Variants in ELAVL4 observed in about 807,000 individuals in gnomAD.
ELAVL4 encodes ELAV-like protein 4.
Under a neutral mutation model 35.6 loss-of-function variants are expected in ELAVL4, and 1 was observed. The observed-to-expected ratio is 0.03, with a 90% CI of 0.01 to 0.13. The LOEUF (loss-of-function observed/expected upper bound fraction) is 0.13, where lower values mean the gene tolerates loss of function less well. Ranked by LOEUF, ELAVL4 falls within the 10% of genes least tolerant of loss-of-function variation. The probability of loss-of-function intolerance (pLI) is 1.00; values close to 1 mark genes in which losing one functional copy is unlikely to be tolerated. For missense variants in ELAVL4, 267 were observed against 464.9 expected, an observed-to-expected ratio of 0.57 and a Z score of 3.91; for synonymous variants, 156 against 171.0, an observed-to-expected ratio of 0.91 and a Z score of 0.69.
chr1:50,115,509 A>G (rs1460991304), intron 1 of ELAVL4, among the ~76,000 whole-genome samples: 1 of 152,118 alleles, frequency 6.6e-6, no homozygotes, highest in Non-Finnish European at 1.5e-5. Flanking sequence ...AATAACATGT[A>G]AACTTTAGCT....
At chr1:50,060,590 C>T (rs1008463793) in intron 1 of ELAVL4, among the ~76,000 whole-genome samples, 1 of 152,184 alleles carries the variant, frequency 6.6e-6, no homozygotes, top group Non-Finnish European at 1.5e-5. Context: ...GGGCCTGGGT[C>T]GGCCTCTAGC....
At chr1:50,104,101 C>T (rs1170362209), upstream of ELAVL4, 21 of 1,252,336 alleles carry the variant, frequency 1.7e-5, no homozygotes, top group Non-Finnish European at 2.5e-5. Flanking sequence ...ACTATGGGTC[C>T]TTAAAAACCC....
chr1:50,112,222 CA>C (rs1446098001), intron 1 of ELAVL4, among the ~76,000 whole-genome samples: 1 of 151,974 alleles, frequency 6.6e-6, no homozygotes, highest in Non-Finnish European at 1.5e-5. Flanking sequence ...ATGTTGAGTG[CA>C]TAAGCCTGTG....
chr1:50,177,557 GC>G (rs1274714468), intron 3 of ELAVL4, among the ~76,000 whole-genome samples: 1 of 152,218 alleles, frequency 6.6e-6, no homozygotes, highest in African/African-American at 2.4e-5. Flanking sequence ...CACATGCAAA[GC>G]TGTGAAAATG....
chr1:50,148,609 A>G (rs952060123), intron 2 of ELAVL4, among the ~76,000 whole-genome samples: 6 of 152,204 alleles, frequency 3.9e-5, no homozygotes, highest in African/African-American at 1.4e-4. Flanking sequence ...GAAGAAAGGC[A>G]TATCCTGAGT....
chr1:50,182,811 A>G (rs911390064), intron 3 of ELAVL4, among the ~76,000 whole-genome samples: 17 of 152,152 alleles, frequency 1.1e-4, no homozygotes, highest in African/African-American at 2.4e-4. Context: ...CGTGAAGGCA[A>G]TATCAGCCAT....
At chr1:50,140,451 A>G (rs914597788) in intron 1 of ELAVL4, among the ~76,000 whole-genome samples, 9 of 152,328 alleles carry the variant, frequency 5.9e-5, no homozygotes, top group African/African-American at 1.9e-4. Flanking sequence ...TTTGAGGTCT[A>G]TCATGTAACC....
chr1:50,124,336 T>A (rs1669528023), intron 1 of ELAVL4, among the ~76,000 whole-genome samples: 1 of 152,134 alleles, frequency 6.6e-6, no homozygotes, highest in Admixed American at 6.6e-5. Flanking sequence ...ACAATAATAG[T>A]GACCCTTTAT....
At chr1:50,115,033 T>G (rs1468386580) in intron 1 of ELAVL4, 1 of 152,074 alleles carries the variant, frequency 6.6e-6, no homozygotes, top group Admixed American at 6.6e-5. Context: ...TCTCTCTTTC[T>G]CTGTCTCTGT....
intron 1 of ELAVL4, among the ~76,000 whole-genome samples, chr1:50,076,479 A>G (rs918516205): frequency 5.3e-5 from 8 of 152,196 alleles, no homozygotes; most frequent in African/African-American, 1.7e-4. Context: ...GTATGTATGT[A>G]TGTATACAAA....
chr1:50,079,911 CCCAAAGACACCCTTCT>C (rs1172268112), intron 1 of ELAVL4, among the ~76,000 whole-genome samples: 3 of 152,158 alleles, frequency 2.0e-5, no homozygotes, highest in Non-Finnish European at 4.4e-5. Context: ...CTTCTCACTT[CCCAAAGACACCCTTCT>C]CCCTCTCTCT....
chr1:50,107,053 T>C (rs1451191506), upstream of ELAVL4, among the ~76,000 whole-genome samples: 6 of 152,248 alleles, frequency 3.9e-5, no homozygotes, highest in African/African-American at 1.4e-4. Context: ...TCTTAATGTT[T>C]ACTTTTCACA....
chr1:50,146,154 GT>G (rs11352967), intron 2 of ELAVL4, among the ~76,000 whole-genome samples: 55,578 of 147,472 alleles, frequency 0.38, 10,670 homozygotes, highest in East Asian at 0.76. Context: ...CTGTCCTAGA[GT>G]TTTTTTTTTT....
chr1:50,059,638 G>C (rs982905804), intron 1 of ELAVL4, among the ~76,000 whole-genome samples: 2 of 152,036 alleles, frequency 1.3e-5, no homozygotes, highest in Non-Finnish European at 2.9e-5. Context: ...TAGAAAACAA[G>C]TATTCAAGTA....
chr1:50,057,443 T>C (rs572603582), intron 1 of ELAVL4, among the ~76,000 whole-genome samples: 11 of 152,336 alleles, frequency 7.2e-5, no homozygotes, highest in Admixed American at 5.9e-4. Context: ...TGTACAGTAA[T>C]GTCCTAGGCC....
At position 50,062,968 on chromosome 1, in the gene ELAVL4, C is replaced by T. The variant is rs117393597; in HGVS notation, c.18+14786C>T. Among the ~76,000 whole-genome samples the T allele has an allele frequency of 2.0e-5, 3 of 152,298 alleles. No homozygotes were observed. In the East Asian group the frequency reaches 5.8e-4, roughly 29 times the overall value. On this transcript the variant is annotated intron_variant, in intron 1 of 6. Transcript: ENST00000448907. ...CATGTGTCAGGCCCAGTGCCAGGTT[C>T]TGTTCACACAGTGGTGAACAAAAAG...
chr1:50,117,011 C>T (rs1166945109), intron 1 of ELAVL4, among the ~76,000 whole-genome samples: 1 of 152,008 alleles, frequency 6.6e-6, no homozygotes, highest in Non-Finnish European at 1.5e-5. Context: ...AACCATTCCC[C>T]AAAGGAAGCT....
intron 1 of ELAVL4, among the ~76,000 whole-genome samples, chr1:50,075,061 A>C (rs1284253778): frequency 1.3e-5 from 2 of 152,192 alleles, no homozygotes; most frequent in Non-Finnish European, 2.9e-5. Flanking sequence ...CTTTGTGAGA[A>C]AGGTACATTT....
upstream of ELAVL4, among the ~76,000 whole-genome samples, chr1:50,104,876 A>G (rs538907874): frequency 6.6e-6 from 1 of 152,340 alleles, no homozygotes; most frequent in Admixed American, 6.5e-5. Context: ...GCAGAGGAGC[A>G]GATTAATTGG....
Sources: gnomAD v4.1 joint callset for allele counts (sites outside exome capture counted in the v4.1 genomes callset) on GRCh38, gnomAD v4.1.1 for gene constraint, MANE v1.5 for transcripts, NCBI Gene and HGNC (gene_info 2026-07-23, HGNC 2026-07-21) for gene names.